Variants in PGBD2 observed in about 807,000 individuals in gnomAD.
The protein encoded by PGBD2 is piggyBac transposable element-derived protein 2.
A neutral mutation model predicts 8.1 loss-of-function variants in PGBD2; 6 were observed. The observed-to-expected ratio is 0.74, with a 90% confidence interval of 0.40 to 1.46. PGBD2 has a LOEUF of 1.46. PGBD2 is among the 40% of genes most tolerant of loss of function. The pLI, the probability that PGBD2 is intolerant of heterozygous loss-of-function variation, is 0.02. For synonymous variants in PGBD2, 318 were observed against 272.2 expected (o/e 1.17, Z -1.66); for missense variants, 802 against 739.0 (o/e 1.09, Z -0.99).
chr1:248,889,341 T>C, the PGBD2 span, among the ~76,000 whole-genome samples: 2 of 142,354 alleles, frequency 1.4e-5, no homozygotes, highest in Non-Finnish European at 2.9e-5. Flanking sequence ...GCCAAGATCA[T>C]GCCACTGCAC....
At chr1:248,890,932 C>G in the PGBD2 span, among the ~76,000 whole-genome samples, 1 of 151,356 alleles carries the variant, frequency 6.6e-6, no homozygotes, top group Non-Finnish European at 1.5e-5. Context: ...ACCACACCTC[C>G]CCACCCCCGA....
At chr1:248,928,088 C>A in the PGBD2 span, among the ~76,000 whole-genome samples, 9 of 152,036 alleles carry the variant, frequency 5.9e-5, no homozygotes, top group Middle Eastern at 3.2e-3. Flanking sequence ...TTGTTGTTTG[C>A]TTTTTTTAAA....
At chr1:248,874,210 A>T in the PGBD2 span, among the ~76,000 whole-genome samples, 1 of 152,176 alleles carries the variant, frequency 6.6e-6, no homozygotes, top group Non-Finnish European at 1.5e-5. Flanking sequence ...CAGGATATTT[A>T]TTTAGTATAG....
intron 1 of PGBD2, among the ~76,000 whole-genome samples, chr1:248,911,714 A>C (rs1661890280): frequency 7.0e-6 from 1 of 143,406 alleles, no homozygotes; most frequent in Admixed American, 6.7e-5. Context: ...GGCGCCCCTC[A>C]CCTCCCGGAC....
chr1:248,886,515 G>T, the PGBD2 span, among the ~76,000 whole-genome samples: 1 of 152,192 alleles, frequency 6.6e-6, no homozygotes. Context: ...TGAACAAAAA[G>T]CAGCTAAAGA....
intron 1 of PGBD2, among the ~76,000 whole-genome samples, chr1:248,909,226 T>C (rs1036302973): frequency 2.0e-5 from 3 of 152,090 alleles, no homozygotes; most frequent in African/African-American, 7.2e-5. Context: ...TGTGAGGGGA[T>C]GGAGGGCCTG....
chr1:248,909,363 G>A (rs187585346), intron 1 of PGBD2, among the ~76,000 whole-genome samples: 184 of 152,284 alleles, frequency 1.2e-3, no homozygotes, highest in Non-Finnish European at 2.1e-3. Flanking sequence ...TTTCCTATGC[G>A]TGGTTTCAGA....
the PGBD2 span, among the ~76,000 whole-genome samples, chr1:248,899,549 C>G: frequency 6.6e-6 from 1 of 152,004 alleles, no homozygotes; most frequent in Non-Finnish European, 1.5e-5. Flanking sequence ...CCAATGAGAA[C>G]AAAGAGACAA....
At chr1:248,897,438 T>G in the PGBD2 span, among the ~76,000 whole-genome samples, 2 of 151,930 alleles carry the variant, frequency 1.3e-5, no homozygotes, top group African/African-American at 4.9e-5. Context: ...TTTTCTGCAG[T>G]AAGTAAAAAT....
intron 1 of PGBD2, among the ~76,000 whole-genome samples, chr1:248,907,657 A>G (rs1374133547): frequency 2.6e-5 from 4 of 152,200 alleles, no homozygotes; most frequent in Non-Finnish European, 5.9e-5. Context: ...GACTTTTACC[A>G]AGCATACTGC....
At chr1:248,914,536 C>T (rs1662021374) in intron 2 of PGBD2, 1 of 1,289,120 alleles carries the variant, frequency 7.8e-7, no homozygotes, top group Non-Finnish European at 1.0e-6. Flanking sequence ...CTAATGCAGC[C>T]TGAACTCCAA....
At chr1:248,923,004 A>G (rs193103920), downstream of PGBD2, among the ~76,000 whole-genome samples, 145 of 151,868 alleles carry the variant, frequency 9.5e-4, no homozygotes, top group African/African-American at 2.1e-3. Context: ...CTCTTTTTCT[A>G]TTGTTTGGAA....
the PGBD2 span, among the ~76,000 whole-genome samples, chr1:248,929,493 G>T: frequency 6.6e-6 from 1 of 152,116 alleles, no homozygotes; most frequent in Non-Finnish European, 1.5e-5. Context: ...TTTCATTTTA[G>T]GAGCCCAAGA....
At chr1:248,906,598 C>T (rs1354795749) in intron 1 of PGBD2, 2 of 95,222 alleles carry the variant, frequency 2.1e-5, no homozygotes, top group Non-Finnish European at 4.2e-5. Flanking sequence ...GGGTGGGGAC[C>T]AGGGCGGGGT....
chr1:248,917,099 T>G lies in PGBD2; in HGVS notation c.515T>G (p.Leu172Trp). ...NRYAWQKNVN[L>W]SLTAQELKCV... ...TATGCTTGGCAGAAAAATGTCAATT[T>G]GAGTCTTACGGCTCAGGAATTGAAG... Residue 172 changes from leucine (L) to tryptophan (W), a missense_variant, in exon 3 of 3, where the codon TTG becomes TGG. Coordinates refer to ENST00000329291, the MANE Select transcript of PGBD2 (RefSeq NM_170725.3). 1 of 1,614,022 alleles carries G rather than the reference T, an allele frequency of 6.2e-7. No homozygotes were observed. Among genetic ancestry groups the G allele is most frequent in the Non-Finnish European group, 8.5e-7 (1 of 1,179,996 alleles).
chr1:248,884,706 G>T, the PGBD2 span, among the ~76,000 whole-genome samples: 2 of 152,218 alleles, frequency 1.3e-5, no homozygotes, highest in Non-Finnish European at 2.9e-5. Flanking sequence ...CTATCTTGAA[G>T]CAGGGGCTTA....
chr1:248,900,822 G>T, the PGBD2 span, among the ~76,000 whole-genome samples: 2 of 152,158 alleles, frequency 1.3e-5, no homozygotes, highest in Non-Finnish European at 2.9e-5. Context: ...CAGGTGACAT[G>T]ATCATATATC....
chr1:248,905,229 T>C (rs1214823700), upstream of PGBD2, among the ~76,000 whole-genome samples: 11 of 152,336 alleles, frequency 7.2e-5, no homozygotes, highest in Admixed American at 7.2e-4. Context: ...CACTTTACAG[T>C]GACCAAAAAA....
At chr1:248,875,774 A>G in the PGBD2 span, among the ~76,000 whole-genome samples, 537 of 152,326 alleles carry the variant, frequency 3.5e-3, 4 homozygotes, top group African/African-American at 0.012. Flanking sequence ...TGTGTTTTCC[A>G]CAATGTTTAA....
Sources: gnomAD v4.1 joint callset for allele counts (sites outside exome capture counted in the v4.1 genomes callset) on GRCh38, gnomAD v4.1.1 for gene constraint, MANE v1.5 for transcripts, NCBI Gene and HGNC (gene_info 2026-07-23, HGNC 2026-07-21) for gene names.